The following CELF2 variants were observed in gnomAD, a reference collection of about 807,000 sequenced individuals.
CELF2 encodes the protein CUGBP Elav-like family member 2.
A neutral mutation model predicts 62.6 loss-of-function variants in CELF2; 8 were observed. The ratio of observed to expected loss-of-function variants is 0.13; its 90% confidence interval spans 0.07 to 0.23. The LOEUF (loss-of-function observed/expected upper bound fraction) is 0.23. CELF2 is among the 10% of genes least tolerant of loss of function. The pLI is 1.00. For missense variants in CELF2, 333 were observed against 671.0 expected, an observed-to-expected ratio of 0.50 and a Z score of 5.56; for synonymous variants, 258 against 250.0, an observed-to-expected ratio of 1.03 and a Z score of -0.30.
chr10:11,085,899 C>G (rs2046575948), intron 1 of CELF2, among the ~76,000 whole-genome samples: 1 of 151,996 alleles, frequency 6.6e-6, no homozygotes, highest in Non-Finnish European at 1.5e-5. Flanking sequence ...CACAATAATC[C>G]AGACCTTTTC....
rs2057598117 is a variant in CELF2, at chr10:11,018,150, G to C, written c.61G>C (p.Val21Leu). 6.6e-7 allele frequency: 1 copy of C among 1,522,714 alleles called. No homozygotes were observed. The highest frequency in any genetic ancestry group is 2.0e-5 in the Admixed American group (1 of 49,680). The allele number at this position is 1,522,714 out of a possible 1,614,324, so 94.3% of individuals were successfully genotyped here. Residue 21 changes from valine to leucine, a missense_variant, in exon 1 of 13, where the codon GTT (valine) becomes CTT (leucine). Transcript: ENST00000633077. ...CATGATGGTCGAGGGCCGCCTGCTC[G>C]TTCCTGACAGAATGTGAGTGGCGCC... The part of the protein sequence containing the change: ...PDMMVEGRLL[V>L]PDRINGTANK...
At chr10:11,101,523 G>A (rs1286100635) in intron 1 of CELF2, among the ~76,000 whole-genome samples, 1 of 152,124 alleles carries the variant, frequency 6.6e-6, no homozygotes, top group Non-Finnish European at 1.5e-5. Flanking sequence ...GACATGAGAG[G>A]GTTTCAAGGT....
intron 1 of CELF2, among the ~76,000 whole-genome samples, chr10:11,089,798 T>A: frequency 6.6e-6 from 1 of 152,008 alleles, no homozygotes; most frequent in Non-Finnish European, 1.5e-5. Flanking sequence ...CAGTGCCAGG[T>A]TGGATAAAGA....
chr10:10,777,409 C>T, the CELF2 span, among the ~76,000 whole-genome samples: 2 of 152,182 alleles, frequency 1.3e-5, no homozygotes, highest in African/African-American at 4.8e-5. Flanking sequence ...TTGAATGATG[C>T]AATCACATGT....
chr10:10,898,728 G>T (rs2062734707), intron 1 of CELF2, among the ~76,000 whole-genome samples: 1 of 152,120 alleles, frequency 6.6e-6, no homozygotes, highest in Non-Finnish European at 1.5e-5. Flanking sequence ...AATCAGGAAG[G>T]ATATAAAAGA....
At position 11,010,866 on chromosome 10, in the gene CELF2, G is replaced by C. The variant is rs1045820466; in HGVS notation, c.53+5426G>C. 2 of 152,236 alleles carry C rather than the reference G, an allele frequency of 1.3e-5. No homozygotes were observed. The highest frequency in any genetic ancestry group is 4.8e-5 in the African/African-American group (2 of 41,450). The allele number at this position is 152,236 out of a possible 1,614,324, so 9.4% of individuals were successfully genotyped here. ...TCCCTGGTCACTGTTTATAGTTTCA[G>C]CTGCTCAGCCCTTCCTAAATTACAG... On this transcript the variant is annotated intron_variant, in intron 1 of 12. Transcript: ENST00000416382. This position sits in a 1 kb window ranked among gnomAD's most constrained non-coding sequence, Gnocchi z 4.1.
At chr10:11,230,840 AAG>A (rs1355290529) in intron 3 of CELF2, among the ~76,000 whole-genome samples, 2 of 152,226 alleles carry the variant, frequency 1.3e-5, no homozygotes, top group Non-Finnish European at 2.9e-5. Context: ...TTCTGCCACA[AAG>A]AGTTAATCTG....
At chr10:11,086,977 C>T (rs182662468) in intron 1 of CELF2, among the ~76,000 whole-genome samples, 1 of 152,284 alleles carries the variant, frequency 6.6e-6, no homozygotes, top group Admixed American at 6.5e-5. Flanking sequence ...TGGAGACATT[C>T]ACTGGCTTGT....
the CELF2 span, among the ~76,000 whole-genome samples, chr10:10,711,696 A>G: frequency 6.6e-6 from 1 of 152,090 alleles, no homozygotes; most frequent in Non-Finnish European, 1.5e-5. Context: ...AGCTTGGCCA[A>G]TATGGTGAAA....
chr10:11,120,917 G>A (rs764360336), intron 1 of CELF2, among the ~76,000 whole-genome samples: 50 of 152,324 alleles, frequency 3.3e-4, no homozygotes, highest in Non-Finnish European at 6.2e-4. Flanking sequence ...CAGAATTACT[G>A]CAGGTGCAGC....
the CELF2 span, among the ~76,000 whole-genome samples, chr10:10,608,998 C>G: frequency 6.6e-6 from 1 of 152,124 alleles, no homozygotes. Flanking sequence ...CACTGGCCTC[C>G]GTGAGCCAGG....
intron 1 of CELF2, among the ~76,000 whole-genome samples, chr10:11,150,628 A>G (rs981204212): frequency 5.3e-5 from 8 of 152,186 alleles, no homozygotes; most frequent in African/African-American, 1.2e-4. Context: ...TGTGTACCCA[A>G]ACCTCCCCAT....
In CELF2 at chr10:10,957,662, G is replaced by A. The variant is rs1268521488; in HGVS notation, c.89+37663G>A. 2.0e-5 allele frequency among the ~76,000 whole-genome samples: 3 copies of A among 152,150 alleles called. No homozygotes were observed. Among genetic ancestry groups the A allele is most frequent in the Non-Finnish European group, 4.4e-5 (3 of 68,026 alleles). On this transcript the variant is annotated intron_variant, in intron 2 of 13. Transcript: ENST00000636488. The surrounding 1 kb of genome is among the most constrained non-coding windows in gnomAD (Gnocchi z 4.1). Reference sequence around the variant, plus strand: ...TTCTGTGCTCCCGATGTAGTAAAATGACTCATAATTGGCCAAATTCTCCAG... The same window carrying A: ...TTCTGTGCTCCCGATGTAGTAAAATAACTCATAATTGGCCAAATTCTCCAG...
intron 1 of CELF2, among the ~76,000 whole-genome samples, chr10:10,845,071 A>G (rs1047067203): frequency 6.6e-6 from 1 of 152,148 alleles, no homozygotes; most frequent in Non-Finnish European, 1.5e-5. Context: ...CTGCCTGAGC[A>G]CTTTCACAGC....
intron 1 of CELF2, among the ~76,000 whole-genome samples, chr10:11,032,171 AT>A: frequency 7.1e-6 from 1 of 141,704 alleles, no homozygotes; most frequent in Admixed American, 7.2e-5. Context: ...AAAAAAAAAA[AT>A]TGCTTCCAGG....
At chr10:11,287,143 C>A (rs1218328171) in intron 8 of CELF2, among the ~76,000 whole-genome samples, 1 of 152,280 alleles carries the variant, frequency 6.6e-6, no homozygotes, top group East Asian at 1.9e-4. Flanking sequence ...GCTCTCAGGG[C>A]ACTCTCCCTA....
chr10:11,288,689 A>G (rs1158284235), intron 9 of CELF2, 137 bp downstream of exon 9: 2 of 926,208 alleles, frequency 2.2e-6, no homozygotes, highest in African/African-American at 3.4e-5. Context: ...GCTTTATGTC[A>G]TTGGGTTATT....
chr10:11,256,923 G>A (rs142668100), intron 4 of CELF2, among the ~76,000 whole-genome samples: 146 of 151,916 alleles, frequency 9.6e-4, no homozygotes, highest in African/African-American at 3.1e-3. Context: ...CTTGCCTCCC[G>A]GTGGCTAGTA....
rs1385527273 is a variant in CELF2 at position 11,224,948 on chromosome 10, T to C, written c.354+7441T>C. ...GAGGGAGTCAGGGCTCTGCCGGATA[T>C]GGTCTGGTTTGTGCAGGGAAGCGCG... is the stretch of plus-strand genomic sequence containing the variant. On this transcript the variant is annotated intron_variant, in intron 3 of 12. Transcript: ENST00000633077. This position sits in a 1 kb window ranked among gnomAD's most constrained non-coding sequence, Gnocchi z 4.5. Among the ~76,000 whole-genome samples, 1 of 152,086 alleles carries C rather than the reference T, an allele frequency of 6.6e-6. No homozygotes were observed. The highest frequency in any genetic ancestry group is 1.5e-5 in the Non-Finnish European group (1 of 68,008).
Sources: allele counts gnomAD v4.1 joint callset (sites outside exome capture counted in the v4.1 genomes callset), GRCh38; gene constraint gnomAD v4.1.1; non-coding constraint Gnocchi (gnomAD v3.1); transcripts MANE v1.5; gene names NCBI Gene and HGNC (gene_info 2026-07-23, HGNC 2026-07-21).